Variants in OTUD7A observed in about 807,000 individuals in gnomAD.
The protein encoded by OTUD7A is OTU deubiquitinase 7A, also known as OTU domain-containing protein 7A.
In OTUD7A, 12 loss-of-function variants were observed where a neutral mutation model predicts 65.7. The observed-to-expected ratio is 0.18, with a 90% confidence interval of 0.12 to 0.30. OTUD7A has a LOEUF of 0.30. Among genes scored for constraint, OTUD7A ranks in the 10% least tolerant of loss-of-function variants. The pLI, the probability that OTUD7A is intolerant of heterozygous loss-of-function variation, is 1.00. For synonymous variants in OTUD7A, 641 were observed against 586.3 expected (o/e 1.09, Z -1.35); for missense variants, 1,148 against 1,304.8 (o/e 0.88, Z 1.85).
Position 31,482,007 on chromosome 15 carries a change from G to A in OTUD7A, c.*1287C>T, listed in dbSNP as rs2041128166. The A allele has an allele frequency of 6.6e-6, 1 of 152,244 alleles. No homozygotes were observed. The highest frequency in any genetic ancestry group is 2.1e-4 in the South Asian group (1 of 4,828). 9.4% of individuals were successfully genotyped at this position (152,244 alleles called of 1,614,324 possible). A position where few individuals can be genotyped will look rare whatever the true frequency, so the allele number is the denominator to read the frequency against. On this transcript the variant is annotated 3_prime_UTR_variant, in exon 13 of 13. Coordinates refer to ENST00000307050, the MANE Select transcript of OTUD7A (RefSeq NM_001382637.1). ...AACAAGCTCGTTCCTTAGTGAGGCA[G>A]ATTTAGCTCCTCAGTGTCCTTGGCC...
At chr15:31,531,520 C>CAAAAAAAA (rs60332452) in intron 5 of OTUD7A, among the ~76,000 whole-genome samples, 44 of 80,140 alleles carry the variant, frequency 5.5e-4, no homozygotes, top group African/African-American at 1.3e-3. Flanking sequence ...GAGTAGGCCA[C>CAAAAAAAA]AAAAAAAAAA....
intron 5 of OTUD7A, among the ~76,000 whole-genome samples, chr15:31,533,404 T>G (rs1406374628): frequency 1.3e-5 from 2 of 151,916 alleles, no homozygotes; most frequent in Non-Finnish European, 2.9e-5. Context: ...CTTGGCTAAT[T>G]TTTGGTATTT....
intron 1 of OTUD7A, among the ~76,000 whole-genome samples, chr15:31,866,644 T>C (rs1448042041): frequency 6.6e-6 from 1 of 152,088 alleles, no homozygotes; most frequent in Non-Finnish European, 1.5e-5. Context: ...GGTTCAAGGG[T>C]AAAATATTTT....
intron 10 of OTUD7A, among the ~76,000 whole-genome samples, chr15:31,491,041 A>G (rs938711834): frequency 3.3e-5 from 5 of 152,188 alleles, no homozygotes; most frequent in African/African-American, 9.7e-5. Flanking sequence ...TCCAGGAATA[A>G]AAGTGATTTA....
chr15:31,666,023 A>ATTT (rs71113413), intron 1 of OTUD7A, among the ~76,000 whole-genome samples: 99 of 147,432 alleles, frequency 6.7e-4, no homozygotes, highest in African/African-American at 2.1e-3. Flanking sequence ...ATCATGGTGG[A>ATTT]TTTTTTTTTT....
At chr15:31,566,117 T>G (rs571559244) in intron 4 of OTUD7A, among the ~76,000 whole-genome samples, 21 of 150,204 alleles carry the variant, frequency 1.4e-4, no homozygotes, top group Middle Eastern at 3.4e-3. Flanking sequence ...TGTGAACCCA[T>G]GAGGCAGAGC....
intron 1 of OTUD7A, among the ~76,000 whole-genome samples, chr15:31,856,319 C>A (rs1178468468): frequency 1.3e-5 from 2 of 152,152 alleles, no homozygotes; most frequent in African/African-American, 4.8e-5. Context: ...CTGGGAAAGG[C>A]ATGGGGATTG....
intron 3 of OTUD7A, among the ~76,000 whole-genome samples, chr15:31,615,206 AT>A (rs1404702342): frequency 6.6e-6 from 1 of 152,232 alleles, no homozygotes; most frequent in African/African-American, 2.4e-5. Context: ...ATCAGACTGG[AT>A]TTAAAAAACC....
rs1339958065 is a variant in OTUD7A at position 31,655,215 on chromosome 15, G to A, written c.32C>T (p.Ser11Leu). MVSSVLPNPT[S>L]AECWAALLHD... ...TAGAAGTGCTGCCCAACACTCAGCC[G>A]AGGTGGGGTTTGGAAGCACACTAGA... is the stretch of plus-strand genomic sequence containing the variant. The change falls in exon 3 of 13, where the codon TCG becomes TTG. Residue 11 changes from serine (S) to leucine (L), a missense_variant. Physicochemically the swap from Ser to Leu is moderately radical, Grantham distance 145. Around this residue, in one of 6 missense-constraint regions of OTUD7A, gnomAD observed 38 missense variants for 85.7 expected, o/e 0.44. Coordinates refer to ENST00000307050, the MANE Select transcript of OTUD7A (RefSeq NM_001382637.1). 5 of 1,510,128 alleles carry A rather than the reference G, an allele frequency of 3.3e-6. No individual in the cohort carries two copies. Among genetic ancestry groups the A allele is most frequent in the South Asian group, 2.4e-5 (2 of 83,162 alleles). 93.5% of individuals were successfully genotyped at this position (1,510,128 alleles called of 1,614,324 possible).
At chr15:31,575,576 AC>A (rs1247653616) in intron 3 of OTUD7A, among the ~76,000 whole-genome samples, 1 of 152,178 alleles carries the variant, frequency 6.6e-6, no homozygotes, top group Non-Finnish European at 1.5e-5. Flanking sequence ...CCACACATCC[AC>A]CATGGGTTGA....
At chr15:31,771,238 G>C (rs767932717) in intron 1 of OTUD7A, among the ~76,000 whole-genome samples, 4 of 152,180 alleles carry the variant, frequency 2.6e-5, no homozygotes, top group African/African-American at 9.7e-5. Context: ...GAATGTTTCT[G>C]TTCAGCTGCT....
At chr15:31,777,487 G>A (rs1234863460) in intron 1 of OTUD7A, among the ~76,000 whole-genome samples, 1 of 151,606 alleles carries the variant, frequency 6.6e-6, no homozygotes, top group Non-Finnish European at 1.5e-5. Flanking sequence ...GGGTTGCCAG[G>A]ATCTTGGGTC....
chr15:31,663,380 A>G (rs868189245), intron 1 of OTUD7A, among the ~76,000 whole-genome samples: 25 of 151,916 alleles, frequency 1.6e-4, no homozygotes, highest in African/African-American at 4.6e-4. Context: ...GTACCTATCA[A>G]CCCATCACCT....
chr15:31,638,699 T>C (rs1243927358), intron 3 of OTUD7A, among the ~76,000 whole-genome samples: 2 of 152,022 alleles, frequency 1.3e-5, no homozygotes, highest in Non-Finnish European at 2.9e-5. Flanking sequence ...TTAGCCAACA[T>C]AATTTCTATA....
At chr15:31,625,067 A>G (rs1383898711) in intron 3 of OTUD7A, among the ~76,000 whole-genome samples, 1 of 151,872 alleles carries the variant, frequency 6.6e-6, no homozygotes, top group Admixed American at 6.6e-5. Context: ...CTCCCTCATC[A>G]CTCACTCTGA....
intron 5 of OTUD7A, among the ~76,000 whole-genome samples, chr15:31,541,140 A>G (rs1288395398): frequency 6.6e-6 from 1 of 152,220 alleles, no homozygotes; most frequent in Non-Finnish European, 1.5e-5. Flanking sequence ...AGACATCTAA[A>G]TACAGCATGT....
At chr15:31,495,774 C>T (rs2041373891) in intron 10 of OTUD7A, among the ~76,000 whole-genome samples, 1 of 152,150 alleles carries the variant, frequency 6.6e-6, no homozygotes, top group Non-Finnish European at 1.5e-5. Flanking sequence ...GTTTCCAAAA[C>T]CTTCTTGCTG....
intron 1 of OTUD7A, among the ~76,000 whole-genome samples, chr15:31,786,642 C>T (rs564212238): frequency 3.9e-5 from 6 of 152,242 alleles, no homozygotes; most frequent in South Asian, 4.1e-4. Flanking sequence ...TTCATTGTTA[C>T]GTGAGATGCC....
chr15:31,655,571 A>G (rs547477450), intron 2 of OTUD7A, among the ~76,000 whole-genome samples: 2 of 152,236 alleles, frequency 1.3e-5, no homozygotes, highest in African/African-American at 4.8e-5. Flanking sequence ...AGTGCCATCT[A>G]TGAAGCAGGA....
Sources: allele counts gnomAD v4.1 joint callset (sites outside exome capture counted in the v4.1 genomes callset), GRCh38; gene constraint gnomAD v4.1.1; regional missense constraint gnomAD v4.1.1; transcripts MANE v1.5; gene names NCBI Gene and HGNC (gene_info 2026-07-23, HGNC 2026-07-21).